The following LRRC43 variants were observed in gnomAD, a reference collection of about 807,000 sequenced individuals.
LRRC43 encodes leucine rich repeat containing 43, also known as leucine-rich repeat-containing protein 43.
A neutral mutation model predicts 64.3 loss-of-function variants in LRRC43; 62 were observed. The observed-to-expected ratio is 0.96, with a 90% CI of 0.79 to 1.19. LRRC43 has a LOEUF of 1.19. Ranked by LOEUF, LRRC43 falls within the 50% of genes most tolerant of loss-of-function variation. The probability of loss-of-function intolerance (pLI) is 0.00; values close to 1 mark genes in which losing one functional copy is unlikely to be tolerated. For synonymous variants in LRRC43, 422 were observed against 382.3 expected, an observed-to-expected ratio of 1.10 and a Z score of -1.21; for missense variants, 868 against 845.0, an observed-to-expected ratio of 1.03 and a Z score of -0.34.
At chr12:122,178,354 CCTCTCCCTAG>C (rs1953554990), upstream of LRRC43, among the ~76,000 whole-genome samples, 1 of 152,070 alleles carries the variant, frequency 6.6e-6, no homozygotes, top group Non-Finnish European at 1.5e-5. Flanking sequence ...CCCTTTTGCC[CCTCTCCCTAG>C]CTCCACGGTG....
chr12:122,201,011 T>C (rs1320219917), intron 10 of LRRC43, 77 bp downstream of exon 10: 1 of 1,491,918 alleles, frequency 6.7e-7, no homozygotes, highest in African/African-American at 1.4e-5. Context: ...AAGCAAGGGC[T>C]GTGGGCCCAG....
intron 7 of LRRC43, among the ~76,000 whole-genome samples, chr12:122,193,678 C>T (rs1257970750): frequency 6.6e-6 from 1 of 152,146 alleles, no homozygotes; most frequent in African/African-American, 2.4e-5. Flanking sequence ...AATTCTTGTG[C>T]CTCAGCCTAC....
intron 11 of LRRC43, 32 bp downstream of exon 11, chr12:122,201,361 G>C: frequency 6.2e-7 from 1 of 1,609,916 alleles, no homozygotes; most frequent in Non-Finnish European, 8.5e-7. Flanking sequence ...CAAAGGCAGG[G>C]ATTGTCAGGA....
At chr12:122,177,812 TTTTATTTATTTA>T (rs56698669) in intron 1 of LRRC43, among the ~76,000 whole-genome samples, 22 of 138,492 alleles carry the variant, frequency 1.6e-4, no homozygotes, top group Admixed American at 9.8e-4. Context: ...ACCTTTGTGG[TTTTATTTATTTA>T]TTTATTTATT....
Position 122,201,330 on chromosome 12 carries a change from G to T in LRRC43, c.1843+1G>T. On this transcript the variant is annotated splice_donor_variant, in intron 11 of 11. Coordinates refer to ENST00000339777, the MANE Select transcript of LRRC43 (RefSeq NM_001098519.2). LOFTEE classifies it high-confidence loss of function. ...AAGATTAAGAAAGTTGCCAAAAAAG[G>T]TGAGTGCCGATGGTGGTGACCAAAG... The T allele has an allele frequency of 6.2e-7, 1 of 1,614,078 alleles. No homozygotes were observed. The highest frequency in any genetic ancestry group is 8.5e-7 in the Non-Finnish European group (1 of 1,179,944).
At chr12:122,196,270 G>A (rs868226381) in intron 7 of LRRC43, among the ~76,000 whole-genome samples, 2 of 152,122 alleles carry the variant, frequency 1.3e-5, no homozygotes, top group Middle Eastern at 3.2e-3. Context: ...TTTTATTTTT[G>A]CAGTCTAATA....
intron 1 of LRRC43, among the ~76,000 whole-genome samples, chr12:122,170,488 G>A (rs985941328): frequency 7.9e-5 from 12 of 152,118 alleles, no homozygotes; most frequent in South Asian, 6.2e-4. Flanking sequence ...AAAATTAGCC[G>A]GGCGTGGTGG....
intron 4 of LRRC43, chr12:122,189,298 T>C: frequency 2.6e-6 from 1 of 383,450 alleles, no homozygotes; most frequent in South Asian, 1.9e-5. Flanking sequence ...CTGGAGGGCA[T>C]GCCCTTGGGG....
upstream of LRRC43, among the ~76,000 whole-genome samples, chr12:122,180,448 G>A (rs1953572489): frequency 6.6e-6 from 1 of 152,168 alleles, no homozygotes; most frequent in Non-Finnish European, 1.5e-5. Flanking sequence ...GAACCCAGGA[G>A]GCGGAGGTTG....
At position 122,184,743 on chromosome 12, in the gene LRRC43, C is replaced by T. The variant is rs1214577268; in HGVS notation, c.375C>T (p.Tyr125=). Residue 125 remains tyrosine, a synonymous_variant, in exon 2 of 12, where the codon TAC becomes TAT. Coordinates refer to ENST00000339777, the MANE Select transcript of LRRC43 (RefSeq NM_001098519.2). This position sits in a 1 kb window ranked among gnomAD's most constrained non-coding sequence, Gnocchi z 4.0. ...NPLTITDTFF[Y]SYFRSLRVID... is the part of the protein sequence containing the mutation. ...TGACGATCACAGACACCTTCTTCTACTCCTACTTCCGGTCCCTGCGGGTAA... is the reference window on the plus strand; with the variant it reads ...TGACGATCACAGACACCTTCTTCTATTCCTACTTCCGGTCCCTGCGGGTAA... 2 of 1,611,406 alleles carry T rather than the reference C, an allele frequency of 1.2e-6. No homozygotes were observed. Among genetic ancestry groups the T allele is most frequent in the Non-Finnish European group, 1.7e-6 (2 of 1,178,774 alleles).
upstream of LRRC43, among the ~76,000 whole-genome samples, chr12:122,182,531 A>AAG (rs1193946575): frequency 6.8e-6 from 1 of 146,958 alleles, no homozygotes; most frequent in African/African-American, 2.5e-5. Flanking sequence ...TCAAAAAAAA[A>AAG]AAAAAAAAAA....
rs200583842 is a variant in LRRC43 at position 122,184,639 on chromosome 12, C to G, written c.271C>G (p.Arg91Gly). Residue 91 changes from arginine (R) to glycine (G), a missense_variant, in exon 2 of 12, where the codon CGC (arginine) becomes GGC (glycine). Physicochemically the swap from Arg to Gly is moderately radical, Grantham distance 125 (BLOSUM62 -2). Coordinates refer to ENST00000339777, the MANE Select transcript of LRRC43 (RefSeq NM_001098519.2). This position sits in a 1 kb window ranked among gnomAD's most constrained non-coding sequence, Gnocchi z 4.0. ...GGCCCTGCTGGGCCTGGTCCGCAGC[C>G]GCCACTCCCCCTGGGCTCTGCTGAA... ...VEALLGLVRS[R>G]HSPWALLNNS... 1 of 1,613,944 alleles carries G rather than the reference C, an allele frequency of 6.2e-7. No homozygotes were observed. Among genetic ancestry groups the G allele is most frequent in the South Asian group, 1.1e-5 (1 of 91,076 alleles).
Position 122,192,654 on chromosome 12 carries a change from A to T in LRRC43, c.1090-91A>T, listed in dbSNP as rs1953731238. The T allele has an allele frequency of 3.4e-6, 5 of 1,454,632 alleles. No homozygotes were observed. In the South Asian group the frequency reaches 4.9e-5, roughly 14 times the overall value. 90.1% of individuals were successfully genotyped at this position (1,454,632 alleles called of 1,614,324 possible). A position where few individuals can be genotyped will look rare whatever the true frequency, so the allele number is the denominator to read the frequency against. ...CTGCTCATGCGTGAACCTCATCCAG[A>T]TGTCGGGAGCTGTGTTACAGACACC... On this transcript the variant is annotated intron_variant, in intron 6 of 11. Transcript: ENST00000339777.
Position 122,183,234 on chromosome 12 carries a change from C to G in LRRC43, c.90C>G (p.Ala30=). 6.4e-7 allele frequency: 1 copy of G among 1,568,744 alleles called. No homozygotes were observed. Among genetic ancestry groups the G allele is most frequent in the South Asian group, 1.1e-5 (1 of 87,496 alleles). Reference sequence around the variant, plus strand: ...CCGGGACCGGGACCGTGAGCGCGGCCGTGCGCGAGCACTTGCGGAAGCTGT... The same window carrying G: ...CCGGGACCGGGACCGTGAGCGCGGCGGTGCGCGAGCACTTGCGGAAGCTGT... ...QRPGTGTVSA[A]VREHLRKLCL... is the part of the protein sequence containing the mutation. Residue 30 remains alanine (A), a synonymous_variant, in exon 1 of 12, where the codon GCC becomes GCG. Transcript: ENST00000339777.
chr12:122,189,967 C>A (rs1427563694), intron 4 of LRRC43, 163 bp from the exon 5 acceptor site: 2 of 689,700 alleles, frequency 2.9e-6, no homozygotes, highest in Non-Finnish European at 5.2e-6. Flanking sequence ...GCCAGGCACT[C>A]GTTCCCGACC....
chr12:122,186,183 C>T lies in LRRC43; in HGVS notation c.412-7C>T. ...TACAGCCCTCAGCTTCCTCTCCCCT[C>T]TTCCAGGTCACCCTGGTGGATAAAG... is the stretch of plus-strand genomic sequence containing the variant. On this transcript the variant is annotated splice_polypyrimidine_tract_variant and splice_region_variant and intron_variant, in intron 2 of 11. Transcript: ENST00000339777. The T allele has an allele frequency of 2.6e-6, 4 of 1,552,816 alleles. No homozygotes were observed. The highest frequency in any genetic ancestry group is 3.5e-6 in the Non-Finnish European group (4 of 1,137,962).
Position 122,184,851 on chromosome 12 carries a change from C to G in LRRC43, c.411+72C>G. Reference sequence around the variant, plus strand: ...TAAGGGAGGTTGTGGGGAGGGCACCCTTCCCCACAGCGCGTCAGGGATCCT... The same window carrying G: ...TAAGGGAGGTTGTGGGGAGGGCACCGTTCCCCACAGCGCGTCAGGGATCCT... On this transcript the variant is annotated intron_variant, in intron 2 of 11. Coordinates refer to ENST00000339777, the MANE Select transcript of LRRC43 (RefSeq NM_001098519.2). This position sits in a 1 kb window ranked among gnomAD's most constrained non-coding sequence, Gnocchi z 4.0. The G allele has an allele frequency of 6.7e-7, 1 of 1,501,698 alleles. No homozygotes were observed. Among genetic ancestry groups the G allele is most frequent in the South Asian group, 1.2e-5 (1 of 81,682 alleles). 93.0% of individuals were successfully genotyped at this position (1,501,698 alleles called of 1,614,324 possible).
chr12:122,201,184 C>G (rs753531987), intron 10 of LRRC43, 112 bp from the exon 11 acceptor site: 1 of 1,168,742 alleles, frequency 8.6e-7, no homozygotes, highest in African/African-American at 1.5e-5. Context: ...CCAGGAGACC[C>G]CCGCCTTCCT....
chr12:122,169,715 C>CAAAAA (rs1156784202), intron 1 of LRRC43, among the ~76,000 whole-genome samples: 8 of 49,444 alleles, frequency 1.6e-4, no homozygotes, highest in Non-Finnish European at 3.0e-4. Flanking sequence ...GACTCCGTCT[C>CAAAAA]AAAAAAAAAA....
Sources: gnomAD v4.1 joint callset for allele counts (sites outside exome capture counted in the v4.1 genomes callset) on GRCh38, gnomAD v4.1.1 for gene constraint, Gnocchi (gnomAD v3.1) non-coding constraint, MANE v1.5 for transcripts, NCBI Gene and HGNC (gene_info 2026-07-23, HGNC 2026-07-21) for gene names.